The following HEG1 variants were observed in gnomAD, a reference collection of about 807,000 sequenced individuals.
HEG1 encodes heart development protein with EGF like domains 1, also known as protein HEG homolog 1.
In HEG1, 56 loss-of-function variants were observed where a neutral mutation model predicts 125.6. That is an observed-to-expected ratio of 0.45 (90% CI 0.36 to 0.56). HEG1 has a LOEUF of 0.56. Ranked by LOEUF, HEG1 falls within the 20% of genes least tolerant of loss-of-function variation. HEG1 has a pLI of 0.00. For missense variants in HEG1, 1,523 were observed against 1,670.0 expected (o/e 0.91, Z 1.53); for synonymous variants, 644 against 668.5 (o/e 0.96, Z 0.57).
At chr3:125,008,886 AT>A (rs1275893879) in intron 8 of HEG1, among the ~76,000 whole-genome samples, 4 of 152,278 alleles carry the variant, frequency 2.6e-5, no homozygotes, top group Non-Finnish European at 5.9e-5. Context: ...TAAACTTGAC[AT>A]TCTAACAAGG....
At chr3:124,978,294 C>T (rs1286891078) in intron 14 of HEG1, among the ~76,000 whole-genome samples, 13 of 152,078 alleles carry the variant, frequency 8.5e-5, no homozygotes, top group African/African-American at 1.9e-4. Context: ...ACTACAGGTG[C>T]GTGCCACCAG....
At chr3:124,989,627 G>A (rs1405585149) in intron 14 of HEG1, among the ~76,000 whole-genome samples, 4 of 152,132 alleles carry the variant, frequency 2.6e-5, no homozygotes, top group African/African-American at 4.8e-5. Context: ...TGCAAAACAC[G>A]CCCCGCTCAC....
chr3:125,015,261 C>A (rs778642845), intron 5 of HEG1, among the ~76,000 whole-genome samples: 1 of 152,118 alleles, frequency 6.6e-6, no homozygotes, highest in Non-Finnish European at 1.5e-5. Flanking sequence ...CAAATAGGAT[C>A]GATACTAGAT....
In HEG1 at chr3:125,019,375, G is replaced by A. The variant is rs1448455542; in HGVS notation, c.1475C>T (p.Thr492Ile). The stretch of plus-strand genomic sequence containing the variant: ...TGTGTGACTTCCTCCAGACTGTACA[G>A]TAGAGTCTGAGAACTGGGTCAACAC... ...ASVLTQFSDS[T>I]VQSGGSHTAL... The change falls in exon 5 of 17, where the codon ACT (threonine) becomes ATT (isoleucine). Residue 492 changes from threonine (T) to isoleucine (I), a missense_variant. Thr to Ile is a moderately conservative substitution (Grantham distance 89, BLOSUM62 -1). Transcript: ENST00000311127. The A allele has an allele frequency of 1.2e-6, 2 of 1,614,048 alleles. No individual in the cohort carries two copies. Among genetic ancestry groups the A allele is most frequent in the Admixed American group, 1.7e-5 (1 of 60,028 alleles).
chr3:125,018,551 T>C (rs1176139944), intron 5 of HEG1, among the ~76,000 whole-genome samples: 3 of 152,210 alleles, frequency 2.0e-5, no homozygotes, highest in African/African-American at 7.2e-5. Flanking sequence ...AAGCTGGTTT[T>C]TAAAAAACAG....
chr3:124,981,568 G>T (rs1936654430), intron 14 of HEG1, among the ~76,000 whole-genome samples: 1 of 152,186 alleles, frequency 6.6e-6, no homozygotes, highest in African/African-American at 2.4e-5. Flanking sequence ...CAGTCATACT[G>T]GGCAGGGGCT....
chr3:124,971,542 A>T (rs1936424194), intron 16 of HEG1, among the ~76,000 whole-genome samples: 1 of 150,416 alleles, frequency 6.6e-6, no homozygotes, highest in South Asian at 2.1e-4. Context: ...GCCAGGCCGG[A>T]GTGCAGTGGC....
intron 11 of HEG1, among the ~76,000 whole-genome samples, chr3:124,998,342 G>A (rs1438166725): frequency 6.6e-6 from 1 of 152,214 alleles, no homozygotes; most frequent in Admixed American, 6.5e-5. Flanking sequence ...CACTCCCTGT[G>A]GCAAGGTGGC....
intron 1 of HEG1, among the ~76,000 whole-genome samples, chr3:125,046,396 CAT>C (rs1023320092): frequency 1.6e-4 from 12 of 76,946 alleles, no homozygotes; most frequent in African/African-American, 9.0e-4. Context: ...TATATATACA[CAT>C]ACACACACAC....
chr3:125,025,421 G>T (rs2107705859), intron 3 of HEG1, among the ~76,000 whole-genome samples: 1 of 152,244 alleles, frequency 6.6e-6, no homozygotes, highest in Admixed American at 6.5e-5. Flanking sequence ...TCACTAAAAA[G>T]GAAGAGAAGT....
chr3:124,978,791 ACT>A (rs1380314586), intron 14 of HEG1, among the ~76,000 whole-genome samples: 2 of 136,902 alleles, frequency 1.5e-5, no homozygotes, highest in African/African-American at 5.4e-5. Flanking sequence ...ACACAGTGAG[ACT>A]CTGTCTCAAA....
At chr3:125,055,371 G>A (rs917768332) in intron 1 of HEG1, among the ~76,000 whole-genome samples, 4 of 152,120 alleles carry the variant, frequency 2.6e-5, no homozygotes, top group African/African-American at 7.2e-5. Context: ...GGAGGAGAAC[G>A]GGATAGTCAC....
Position 125,010,436 on chromosome 3 carries a change from TACCCAC to T in HEG1, c.3070_3073+2del. The T allele has an allele frequency of 6.5e-7, 1 of 1,545,674 alleles. No individual in the cohort carries two copies. Among genetic ancestry groups the T allele is most frequent in the Non-Finnish European group, 8.8e-7 (1 of 1,141,402 alleles). On this transcript the variant is annotated splice_donor_variant and coding_sequence_variant, in exon 7 of 17. Transcript: ENST00000311127. LOFTEE classifies it high-confidence loss of function. ...GACCACTGGGCGTTACTTTTTCTCT[TACCCAC>T]ACTGCAATCATCCCCTTGCCAGGAA... is the stretch of plus-strand genomic sequence containing the variant.
intron 15 of HEG1, among the ~76,000 whole-genome samples, chr3:124,976,521 C>T (rs895136832): frequency 1.3e-5 from 2 of 150,092 alleles, no homozygotes; most frequent in Non-Finnish European, 3.0e-5. Context: ...TAATAGCCAT[C>T]TTAGTGGGTG....
At chr3:124,994,098 T>C (rs930747111) in intron 12 of HEG1, among the ~76,000 whole-genome samples, 9 of 151,626 alleles carry the variant, frequency 5.9e-5, no homozygotes, top group African/African-American at 2.2e-4. Flanking sequence ...AGCAAGGGGG[T>C]GGTCTTGGGA....
chr3:124,992,236 C>T (rs866316997), intron 12 of HEG1, among the ~76,000 whole-genome samples: 2 of 152,158 alleles, frequency 1.3e-5, no homozygotes, highest in Non-Finnish European at 2.9e-5. Context: ...TTTGAACCCT[C>T]GGGTGGTGCA....
At chr3:125,022,707 AT>A (rs1327296428) in intron 3 of HEG1, among the ~76,000 whole-genome samples, 6 of 121,758 alleles carry the variant, frequency 4.9e-5, no homozygotes, top group Admixed American at 1.7e-4. Flanking sequence ...AAATAAATAA[AT>A]AAAAAGAAAA....
At chr3:124,995,204 TG>T (rs1936902230) in intron 12 of HEG1, among the ~76,000 whole-genome samples, 1 of 151,638 alleles carries the variant, frequency 6.6e-6, no homozygotes, top group South Asian at 2.1e-4. Flanking sequence ...GAGGCTGAGG[TG>T]GGAGGATCAC....
At chr3:124,977,239 C>T (rs991734516) in intron 15 of HEG1, among the ~76,000 whole-genome samples, 1 of 152,182 alleles carries the variant, frequency 6.6e-6, no homozygotes, top group Admixed American at 6.5e-5. Context: ...TCCATTAAAC[C>T]TCTTTATTTT....
Sources: allele counts gnomAD v4.1 joint callset (sites outside exome capture counted in the v4.1 genomes callset), GRCh38; gene constraint gnomAD v4.1.1; transcripts MANE v1.5; gene names NCBI Gene and HGNC (gene_info 2026-07-23, HGNC 2026-07-21).